Variants in GFOD1 observed in about 807,000 individuals in gnomAD.
The protein encoded by GFOD1 is glucose-fructose oxidoreductase domain-containing protein 1.
GFOD1 carries 9 observed loss-of-function variants against 25.4 expected under a neutral mutation model. That is an observed-to-expected ratio of 0.35 (90% CI 0.21 to 0.62). GFOD1 has a LOEUF of 0.62. Ranked by LOEUF, GFOD1 falls within the 20% of genes least tolerant of loss-of-function variation. The probability of loss-of-function intolerance (pLI) is 0.72; values close to 1 mark genes in which losing one functional copy is unlikely to be tolerated. For synonymous variants in GFOD1, 253 were observed against 245.6 expected, an observed-to-expected ratio of 1.03 and a Z score of -0.28; for missense variants, 403 against 556.9, an observed-to-expected ratio of 0.72 and a Z score of 2.78.
chr6:13,458,105 TTTGTTGTTG>T (rs555905027), intron 1 of GFOD1, among the ~76,000 whole-genome samples: 8 of 151,986 alleles, frequency 5.3e-5, no homozygotes, highest in South Asian at 2.1e-4. Context: ...TTATACAATT[TTTGTTGTTG>T]TTGTTGTTGT....
intron 1 of GFOD1, among the ~76,000 whole-genome samples, chr6:13,382,319 A>G (rs1191124943): frequency 6.9e-6 from 1 of 144,150 alleles, no homozygotes; most frequent in Non-Finnish European, 1.5e-5. Flanking sequence ...GTATCATGGG[A>G]GGGACCCAGT....
rs914168900 is a variant in GFOD1 at position 13,360,693 on chromosome 6, C to T, written c.*4050G>A. ...CTGGCTACTTCTATGTGCAGCTCTA[C>T]AGCCTCCTGGCAGAACATCAGATGT... On this transcript the variant is annotated 3_prime_UTR_variant, in exon 2 of 2. Transcript: ENST00000379287. 2.2e-6 allele frequency: 1 copy of T among 456,624 alleles called. No homozygotes were observed. The highest frequency in any genetic ancestry group is 2.0e-5 in the African/African-American group (1 of 50,086). The allele number at this position is 456,624 out of a possible 1,614,324, so 28.3% of individuals were successfully genotyped here.
At chr6:13,481,558 TACACACACACAC>T (rs55888360) in intron 1 of GFOD1, among the ~76,000 whole-genome samples, 28,131 of 150,610 alleles carry the variant, frequency 0.19, 3,494 homozygotes, top group African/African-American at 0.36. Flanking sequence ...AGTGATACCT[TACACACACACAC>T]ACACACACAC....
At chr6:13,476,640 A>G (rs1236721554) in intron 1 of GFOD1, among the ~76,000 whole-genome samples, 1 of 152,210 alleles carries the variant, frequency 6.6e-6, no homozygotes, top group Non-Finnish European at 1.5e-5. Flanking sequence ...CTGCAAACCA[A>G]CTTCATTGGA....
intron 1 of GFOD1, among the ~76,000 whole-genome samples, chr6:13,368,910 T>C (rs1289541863): frequency 6.6e-6 from 1 of 152,182 alleles, no homozygotes; most frequent in East Asian, 1.9e-4. Flanking sequence ...GAGACTCACA[T>C]GTGGATTCCC....
chr6:13,392,673 T>C (rs995440957), intron 1 of GFOD1, among the ~76,000 whole-genome samples: 2 of 152,020 alleles, frequency 1.3e-5, no homozygotes, highest in African/African-American at 2.4e-5. Context: ...GATAACTGAC[T>C]CTTGTCATTT....
Position 13,359,925 on chromosome 6 carries a change from G to A in GFOD1, c.*4818C>T, listed in dbSNP as rs1375358306. The A allele has an allele frequency of 6.9e-6, 1 of 145,694 alleles. No homozygotes were observed. Among genetic ancestry groups the A allele is most frequent in the Non-Finnish European group, 1.5e-5 (1 of 67,690 alleles). The allele number at this position is 145,694 out of a possible 1,614,324, so 9.0% of individuals were successfully genotyped here. A position where few individuals can be genotyped will look rare whatever the true frequency, so the allele number is the denominator to read the frequency against. On this transcript the variant is annotated 3_prime_UTR_variant, in exon 2 of 2. Transcript: ENST00000379287. Reference sequence around the variant, plus strand: ...CACGCCATTGCACTCCAGCCTGGGTGACAGAGTAAGACTCTGTCTCAAAAA... The same window carrying A: ...CACGCCATTGCACTCCAGCCTGGGTAACAGAGTAAGACTCTGTCTCAAAAA...
chr6:13,435,574 AGCAGGTT>A (rs1342625784), intron 1 of GFOD1, among the ~76,000 whole-genome samples: 1 of 152,190 alleles, frequency 6.6e-6, no homozygotes, highest in Non-Finnish European at 1.5e-5. Context: ...AGTACATCCA[AGCAGGTT>A]GTTGCATTGT....
In GFOD1 at chr6:13,393,781, T is replaced by TTTC. The variant is rs1554200864; in HGVS notation, c.254-28120_254-28119insGAA. On this transcript the variant is annotated intron_variant, in intron 1 of 1. Coordinates refer to ENST00000379287, the MANE Select transcript of GFOD1 (RefSeq NM_018988.4). Reference sequence around the variant, plus strand: ...CTTGGCCAATTTCTTTTTTCTTTTCTTTTTTTTTTTTTTTTTGAGACGGAG... The same window carrying TTTC: ...CTTGGCCAATTTCTTTTTTCTTTTCTTTCTTTTTTTTTTTTTTTTGAGACGGAG... 1.9e-4 allele frequency among the ~76,000 whole-genome samples: 4 copies of TTTC among 21,178 alleles called. No individual in the cohort carries two copies. The South Asian group carries it at 0.019, about 98-fold the overall frequency. 13.9% of individuals were successfully genotyped at this position (21,178 alleles called of 152,430 possible).
rs1757823298 is a variant in GFOD1, at chr6:13,435,738, A to G, written c.253+50900T>C. On this transcript the variant is annotated intron_variant, in intron 1 of 1. Coordinates refer to ENST00000379287, the MANE Select transcript of GFOD1 (RefSeq NM_018988.4). ...TCCTGTGCACAAAGTGTGGGCCCTAAGTAACAGGCTAGCTGGGAACTTTGA... is the reference window on the plus strand; with the variant it reads ...TCCTGTGCACAAAGTGTGGGCCCTAGGTAACAGGCTAGCTGGGAACTTTGA... 2.0e-5 allele frequency among the ~76,000 whole-genome samples: 3 copies of G among 152,228 alleles called. No individual in the cohort carries two copies. In the South Asian group the frequency reaches 6.2e-4, roughly 31 times the overall value.
intron 1 of GFOD1, among the ~76,000 whole-genome samples, chr6:13,481,082 A>T (rs1323486244): frequency 6.6e-6 from 1 of 152,220 alleles, no homozygotes; most frequent in East Asian, 1.9e-4. Context: ...AATAACTCAC[A>T]TTCTAGCTGG....
At chr6:13,471,034 A>G (rs1758492038) in intron 1 of GFOD1, among the ~76,000 whole-genome samples, 1 of 152,220 alleles carries the variant, frequency 6.6e-6, no homozygotes, top group African/African-American at 2.4e-5. Context: ...GTATTTATGT[A>G]GCCTCTCCCC....
chr6:13,409,088 G>GAAAAGAAAGAAAGAAA (rs1554201853), intron 1 of GFOD1, among the ~76,000 whole-genome samples: 62 of 36,722 alleles, frequency 1.7e-3, no homozygotes, highest in Middle Eastern at 0.013. Context: ...CCATCAGAAA[G>GAAAAGAAAGAAAGAAA]GAAAGAAAGA....
chr6:13,374,872 A>G (rs1785229068), intron 1 of GFOD1, among the ~76,000 whole-genome samples: 1 of 151,512 alleles, frequency 6.6e-6, no homozygotes, highest in South Asian at 2.1e-4. Flanking sequence ...CCTCCCAAGT[A>G]GCTGGGATTA....
At chr6:13,417,124 G>C (rs2127567370) in intron 1 of GFOD1, among the ~76,000 whole-genome samples, 1 of 152,330 alleles carries the variant, frequency 6.6e-6, no homozygotes, top group South Asian at 2.1e-4. Context: ...AGAAGCACAT[G>C]CTAAGTTATT....
Position 13,365,020 on chromosome 6 carries a change from G to A in GFOD1, c.896C>T (p.Pro299Leu). Reference sequence around the variant, plus strand: ...GATGGTGCCGCGCAGGTAGGGCGAGGGGATGTCGCTGAAGGCCTTCTCCGG... The same window carrying A: ...GATGGTGCCGCGCAGGTAGGGCGAGAGGATGTCGCTGAAGGCCTTCTCCGG... ...LLPEKAFSDI[P>L]SPYLRGTIKM... Residue 299 changes from proline (P) to leucine (L), a missense_variant, in exon 2 of 2, where the codon CCC becomes CTC. Physicochemically the swap from Pro to Leu is moderately conservative, Grantham distance 98 (BLOSUM62 -3). Coordinates refer to ENST00000379287, the MANE Select transcript of GFOD1 (RefSeq NM_018988.4). The surrounding 1 kb of genome is among the most constrained non-coding windows in gnomAD (Gnocchi z 9.2). 1.2e-6 allele frequency: 2 copies of A among 1,610,304 alleles called. No homozygotes were observed. Among genetic ancestry groups the A allele is most frequent in the East Asian group, 2.2e-5 (1 of 44,876 alleles).
intron 1 of GFOD1, among the ~76,000 whole-genome samples, chr6:13,479,395 TATG>T (rs1758700216): frequency 6.6e-6 from 1 of 152,198 alleles, no homozygotes; most frequent in Non-Finnish European, 1.5e-5. Context: ...GAAGGATGAT[TATG>T]ACTCCCAAAG....
chr6:13,402,241 G>C (rs1203272950), intron 1 of GFOD1, among the ~76,000 whole-genome samples: 1 of 152,086 alleles, frequency 6.6e-6, no homozygotes, highest in East Asian at 1.9e-4. Context: ...CTCTCCAAAG[G>C]AAACACAGGA....
At chr6:13,406,368 G>A (rs1000531892) in intron 1 of GFOD1, among the ~76,000 whole-genome samples, 9 of 152,098 alleles carry the variant, frequency 5.9e-5, no homozygotes, top group African/African-American at 2.2e-4. Flanking sequence ...CTCCTCCCCT[G>A]GCCCCTGCCC....
Sources: gnomAD v4.1 joint callset for allele counts (sites outside exome capture counted in the v4.1 genomes callset) on GRCh38, gnomAD v4.1.1 for gene constraint, Gnocchi (gnomAD v3.1) non-coding constraint, MANE v1.5 for transcripts, NCBI Gene and HGNC (gene_info 2026-07-23, HGNC 2026-07-21) for gene names.